The following MYO9A variants were observed in gnomAD, a reference collection of about 807,000 sequenced individuals.
The protein encoded by MYO9A is myosin IXA.
In MYO9A, 103 loss-of-function variants were observed where a neutral mutation model predicts 293.3. The observed-to-expected ratio is 0.35, with a 90% CI of 0.30 to 0.41. The LOEUF (loss-of-function observed/expected upper bound fraction) is 0.41. Among genes scored for constraint, MYO9A ranks in the 10% least tolerant of loss-of-function variants. The pLI, the probability that MYO9A is intolerant of heterozygous loss-of-function variation, is 1.00. For synonymous variants in MYO9A, 1,001 were observed against 1,035.7 expected (o/e 0.97, Z 0.64); for missense variants, 2,685 against 3,033.0 (o/e 0.89, Z 2.69).
chr15:71,907,936 C>T lies in MYO9A; in HGVS notation c.2686-2930G>A, dbSNP rs562258766. On this transcript the variant is annotated intron_variant, in intron 19 of 41. Coordinates refer to ENST00000356056, the MANE Select transcript of MYO9A (RefSeq NM_006901.4). The stretch of plus-strand genomic sequence containing the variant: ...GGTAGTTTCTTCTGTTGTGCAGAAG[C>T]TCTTTAGTTTAATTAGATCCCATTT... Among the ~76,000 whole-genome samples, 12 of 152,214 alleles carry T rather than the reference C, an allele frequency of 7.9e-5. No individual in the cohort carries two copies. The East Asian group carries it at 1.5e-3, about 20-fold the overall frequency.
At chr15:71,967,743 G>GT (rs2147267896) in intron 13 of MYO9A, among the ~76,000 whole-genome samples, 1 of 152,266 alleles carries the variant, frequency 6.6e-6, no homozygotes, top group South Asian at 2.1e-4. Flanking sequence ...CAGATCTAAA[G>GT]TTTATCAGGA....
At chr15:71,882,599 C>T (rs2056907524) in intron 28 of MYO9A, among the ~76,000 whole-genome samples, 1 of 152,010 alleles carries the variant, frequency 6.6e-6, no homozygotes, top group Admixed American at 6.6e-5. Flanking sequence ...TCACACCACT[C>T]CGGCCTAAGC....
chr15:72,105,277 G>A (rs1032240275), intron 1 of MYO9A, among the ~76,000 whole-genome samples: 10 of 151,876 alleles, frequency 6.6e-5, no homozygotes, highest in African/African-American at 1.9e-4. Context: ...GACTACTACC[G>A]TGGCATGATC....
At chr15:71,842,320 T>C (rs894820749) in intron 39 of MYO9A, among the ~76,000 whole-genome samples, 10 of 152,012 alleles carry the variant, frequency 6.6e-5, no homozygotes, top group Admixed American at 5.2e-4. Flanking sequence ...GAGGTTGCAG[T>C]GAGCCAAGAT....
intron 30 of MYO9A, among the ~76,000 whole-genome samples, chr15:71,879,072 A>G (rs1440855542): frequency 3.9e-5 from 6 of 152,124 alleles, no homozygotes; most frequent in Non-Finnish European, 7.4e-5. Flanking sequence ...GTATAAATTA[A>G]AAAGCTTTCC....
At chr15:71,861,679 TAAAAAAAAAAA>T (rs66598621) in intron 33 of MYO9A, among the ~76,000 whole-genome samples, 10 of 82,930 alleles carry the variant, frequency 1.2e-4, no homozygotes, top group Non-Finnish European at 2.1e-4. Context: ...ACTGATGATA[TAAAAAAAAAAA>T]AAAAAAAAAA....
intron 35 of MYO9A, among the ~76,000 whole-genome samples, chr15:71,853,025 C>T (rs922925407): frequency 5.3e-5 from 8 of 152,242 alleles, no homozygotes; most frequent in South Asian, 4.1e-4. Context: ...ACCCAGGAGA[C>T]GGAGGTTGCA....
chr15:72,055,404 C>T (rs2078691808), intron 1 of MYO9A, among the ~76,000 whole-genome samples: 1 of 152,184 alleles, frequency 6.6e-6, no homozygotes, highest in South Asian at 2.1e-4. Context: ...CCCTCCCAGG[C>T]CTTGGCTTAG....
At chr15:71,943,175 AT>A (rs979591547) in intron 15 of MYO9A, among the ~76,000 whole-genome samples, 2 of 151,230 alleles carry the variant, frequency 1.3e-5, no homozygotes, top group Admixed American at 1.3e-4. Context: ...TCACTCTTTC[AT>A]TTTTTTCCTT....
chr15:72,070,463 A>AC (rs1160255395), intron 1 of MYO9A, among the ~76,000 whole-genome samples: 1 of 152,014 alleles, frequency 6.6e-6, no homozygotes, highest in South Asian at 2.1e-4. Flanking sequence ...AAAAAAAAAA[A>AC]AAAAAGAATG....
chr15:71,959,848 T>TAA lies in MYO9A; in HGVS notation c.2182+51_2182+52dup, dbSNP rs5813671. Reference sequence around the variant, plus strand: ...TCCTTTTTGTGGAGAAGTAGAAAGGTAAAAAAAAAAAAAAAGATGAAGTAT... The same window carrying TAA: ...TCCTTTTTGTGGAGAAGTAGAAAGGTAAAAAAAAAAAAAAAAAGATGAAGTAT... On this transcript the variant is annotated intron_variant, in intron 14 of 41. Transcript: ENST00000356056. The TAA allele has an allele frequency of 0.051, 58,136 of 1,145,324 alleles. 318 individuals carry two copies. Among genetic ancestry groups the TAA allele is most frequent in the Non-Finnish European group, 0.058 (48,349 of 832,496 alleles). The allele number at this position is 1,145,324 out of a possible 1,614,324, so 70.9% of individuals were successfully genotyped here.
rs2141279570 is a variant in MYO9A, at chr15:71,850,038, G to T, written c.6711C>A (p.Thr2237=). ...LQSVQDISKT[T]TCVELIVVEQ... is the part of the protein sequence containing the mutation. ...AAGGTTATGGTAACTGGCCTTACGT[G>T]GTAGTCTTACTGATGTCCTGTACAC... The change falls in exon 38 of 42, where the codon ACC becomes ACA. Residue 2237 remains threonine, a splice_region_variant and synonymous_variant. Coordinates refer to ENST00000356056, the MANE Select transcript of MYO9A (RefSeq NM_006901.4). 2.5e-6 allele frequency: 4 copies of T among 1,613,908 alleles called. No homozygotes were observed. The highest frequency in any genetic ancestry group is 4.5e-5 in the East Asian group (2 of 44,872).
intron 19 of MYO9A, among the ~76,000 whole-genome samples, chr15:71,908,930 T>C (rs1450286258): frequency 6.6e-6 from 1 of 152,156 alleles, no homozygotes; most frequent in Admixed American, 6.5e-5. Context: ...CCCAACTAGA[T>C]CCTGGCGACT....
intron 2 of MYO9A, among the ~76,000 whole-genome samples, chr15:72,042,015 TA>T (rs61163353): frequency 1.7e-3 from 218 of 131,804 alleles, no homozygotes; most frequent in Non-Finnish European, 1.5e-3. Flanking sequence ...ACACTGACAG[TA>T]AAAAAAAAAA....
At chr15:72,014,801 CAAAG>C (rs745609260) in intron 6 of MYO9A, among the ~76,000 whole-genome samples, 15 of 150,976 alleles carry the variant, frequency 9.9e-5, no homozygotes, top group Non-Finnish European at 1.6e-4. Flanking sequence ...AGGAAGGAAA[CAAAG>C]AAAGAAAAGA....
chr15:71,863,909 AAAGTT>A (rs1322850079), intron 32 of MYO9A, among the ~76,000 whole-genome samples: 1 of 152,206 alleles, frequency 6.6e-6, no homozygotes, highest in Non-Finnish European at 1.5e-5. Flanking sequence ...TGGTAACTTA[AAAGTT>A]AAGTAAAATA....
intron 18 of MYO9A, among the ~76,000 whole-genome samples, chr15:71,921,102 A>G (rs1426857052): frequency 6.6e-6 from 1 of 152,028 alleles, no homozygotes; most frequent in Non-Finnish European, 1.5e-5. Context: ...CAATGTAACT[A>G]AAAAAAATAG....
At chr15:72,051,232 G>A (rs568607761) in intron 1 of MYO9A, among the ~76,000 whole-genome samples, 39 of 152,222 alleles carry the variant, frequency 2.6e-4, no homozygotes, top group East Asian at 2.1e-3. Flanking sequence ...TGGCAGCAGC[G>A]GCCCATCTAT....
At chr15:72,040,898 A>G (rs2078208001) in intron 2 of MYO9A, among the ~76,000 whole-genome samples, 1 of 152,238 alleles carries the variant, frequency 6.6e-6, no homozygotes, top group Admixed American at 6.5e-5. Context: ...AGTACCTAGG[A>G]AAGAATTTAC....
Sources: gnomAD v4.1 joint callset for allele counts (sites outside exome capture counted in the v4.1 genomes callset) on GRCh38, gnomAD v4.1.1 for gene constraint, MANE v1.5 for transcripts, NCBI Gene and HGNC (gene_info 2026-07-23, HGNC 2026-07-21) for gene names.